The following MYOM1 variants were observed in gnomAD, a reference collection of about 807,000 sequenced individuals.
The protein encoded by MYOM1 is myomesin-1.
Under a neutral mutation model 205.3 loss-of-function variants are expected in MYOM1, and 164 were observed. That is an observed-to-expected ratio of 0.80 (90% CI 0.70 to 0.91). The LOEUF (loss-of-function observed/expected upper bound fraction) is 0.91. Ranked by LOEUF, MYOM1 falls within the 40% of genes least tolerant of loss-of-function variation. The pLI is 0.00. For synonymous variants in MYOM1, 772 were observed against 789.4 expected, an observed-to-expected ratio of 0.98 and a Z score of 0.37; for missense variants, 2,011 against 2,127.3, an observed-to-expected ratio of 0.95 and a Z score of 1.08.
At chr18:3,198,075 A>G (rs556548855) in intron 2 of MYOM1, among the ~76,000 whole-genome samples, 1 of 89,058 alleles carries the variant, frequency 1.1e-5, no homozygotes, top group East Asian at 3.2e-4. Context: ...ATAAAGCACA[A>G]AAAAAAACTC....
In MYOM1 at chr18:3,154,993, G is replaced by C; in HGVS notation, c.1597C>G (p.Pro533Ala). The C allele has an allele frequency of 1.9e-6, 3 of 1,613,104 alleles. No individual in the cohort carries two copies. The highest frequency in any genetic ancestry group is 2.5e-6 in the Non-Finnish European group (3 of 1,179,490). Reference protein sequence around the residue: ...KDYIIISWKQPAVDGGSPILG... With the variant: ...KDYIIISWKQAAVDGGSPILG... ...ATAGGACTCCCTCCATCGACAGCTGGCTGTTTCCAGGAGATGATGATATAA... is the reference window on the plus strand; with the variant it reads ...ATAGGACTCCCTCCATCGACAGCTGCCTGTTTCCAGGAGATGATGATATAA... The change falls in exon 11 of 38, where the codon CCA becomes GCA. Residue 533 changes from proline (P) to alanine (A), a missense_variant. Physicochemically the swap from Pro to Ala is conservative, Grantham distance 27. Transcript: ENST00000356443.
At chr18:3,119,780 C>T in intron 20 of MYOM1, 89 bp downstream of exon 20, 1 of 1,454,726 alleles carries the variant, frequency 6.9e-7, no homozygotes, top group South Asian at 1.5e-5. Flanking sequence ...AAATATTGAC[C>T]ATATAGTACT....
chr18:3,243,784 T>G, the MYOM1 span, among the ~76,000 whole-genome samples: 1 of 152,156 alleles, frequency 6.6e-6, no homozygotes, highest in South Asian at 2.1e-4. Flanking sequence ...GAAACGGAGG[T>G]AATAATGTCT....
the MYOM1 span, among the ~76,000 whole-genome samples, chr18:3,234,245 C>T: frequency 6.6e-6 from 1 of 152,300 alleles, no homozygotes; most frequent in South Asian, 2.1e-4. Flanking sequence ...AAAACTTCTA[C>T]TTAGCTAATG....
At chr18:3,087,006 T>G (rs1435326496) in intron 29 of MYOM1, among the ~76,000 whole-genome samples, 3 of 152,200 alleles carry the variant, frequency 2.0e-5, no homozygotes, top group Non-Finnish European at 4.4e-5. Flanking sequence ...CAATTTCAGC[T>G]AATAAATAAA....
rs10625884 is a variant in MYOM1, at chr18:3,154,616, T to TACACAC, written c.1643+325_1643+330dup. On this transcript the variant is annotated intron_variant, in intron 11 of 37. Transcript: ENST00000356443. Reference sequence around the variant, plus strand: ...TCAGCGTTTCTAAGTACCTACTCAATACACACACACACACACACACACACA... The same window carrying TACACAC: ...TCAGCGTTTCTAAGTACCTACTCAATACACACACACACACACACACACACACACACA... Among the ~76,000 whole-genome samples, 358 of 145,948 alleles carry TACACAC rather than the reference T, an allele frequency of 2.5e-3. 1 individual carries two copies. The highest frequency in any genetic ancestry group is 8.0e-3 in the African/African-American group (318 of 39,584).
At chr18:3,236,995 T>G in the MYOM1 span, among the ~76,000 whole-genome samples, 10 of 152,148 alleles carry the variant, frequency 6.6e-5, no homozygotes, top group East Asian at 1.9e-3. Flanking sequence ...TTTCTAATAC[T>G]ATTTGAGAAC....
chr18:3,084,908 T>C, intron 31 of MYOM1, 137 bp downstream of exon 31: 2 of 625,516 alleles, frequency 3.2e-6, no homozygotes, highest in South Asian at 4.5e-5. Context: ...GTTCACTCTG[T>C]TGGAATTTCA....
At chr18:3,176,809 G>A (rs2080647202) in intron 5 of MYOM1, among the ~76,000 whole-genome samples, 1 of 152,132 alleles carries the variant, frequency 6.6e-6, no homozygotes, top group Non-Finnish European at 1.5e-5. Flanking sequence ...TTGAACCCAG[G>A]AGGCGGAGGT....
chr18:3,148,844 C>CAAA lies in MYOM1; in HGVS notation c.1900+298_1900+300dup, dbSNP rs71159049. Reference sequence around the variant, plus strand: ...CTGGGCGACAGAGCGAGACTCCATCCAAAAAAAAAAAAAAAAAAAAAAAAA... The same window carrying CAAA: ...CTGGGCGACAGAGCGAGACTCCATCCAAAAAAAAAAAAAAAAAAAAAAAAAAAA... On this transcript the variant is annotated intron_variant, in intron 13 of 37. Transcript: ENST00000356443. 2.3e-3 allele frequency among the ~76,000 whole-genome samples: 109 copies of CAAA among 47,956 alleles called. 2 individuals are homozygous for CAAA. The highest frequency in any genetic ancestry group is 6.9e-3 in the African/African-American group (96 of 13,976). 31.5% of individuals were successfully genotyped at this position (47,956 alleles called of 152,430 possible).
chr18:3,176,841 C>G (rs2080648054), intron 5 of MYOM1, among the ~76,000 whole-genome samples: 1 of 151,918 alleles, frequency 6.6e-6, no homozygotes, highest in East Asian at 1.9e-4. Context: ...GAGATTGTGC[C>G]ACTGCACTCC....
intron 18 of MYOM1, among the ~76,000 whole-genome samples, chr18:3,128,672 G>T (rs907598597): frequency 1.3e-5 from 2 of 151,642 alleles, no homozygotes; most frequent in Non-Finnish European, 2.9e-5. Flanking sequence ...TATTATTTTA[G>T]AAATTTTTAA....
At chr18:3,116,748 G>A (rs940950095) in intron 20 of MYOM1, among the ~76,000 whole-genome samples, 4 of 152,164 alleles carry the variant, frequency 2.6e-5, no homozygotes, top group South Asian at 2.1e-4. Context: ...CCACTCTGAG[G>A]TGCCTCTCAA....
intron 6 of MYOM1, among the ~76,000 whole-genome samples, chr18:3,175,675 T>G (rs895231709): frequency 7.2e-5 from 11 of 152,208 alleles, no homozygotes; most frequent in Non-Finnish European, 1.3e-4. Flanking sequence ...GATGATGATA[T>G]TGATTTGGGA....
chr18:3,140,273 G>C (rs372812436), intron 14 of MYOM1, among the ~76,000 whole-genome samples: 7 of 152,052 alleles, frequency 4.6e-5, no homozygotes, highest in African/African-American at 1.7e-4. Flanking sequence ...CAGGCGTGGT[G>C]GCTCACGCCT....
chr18:3,182,737 CAG>C (rs1484975315), intron 5 of MYOM1, among the ~76,000 whole-genome samples: 1 of 151,966 alleles, frequency 6.6e-6, no homozygotes, highest in Non-Finnish European at 1.5e-5. Flanking sequence ...CCCCTTTAAA[CAG>C]AAAGACTCTT....
At chr18:3,178,918 AGTGCAATG>A (rs1047215861) in intron 5 of MYOM1, among the ~76,000 whole-genome samples, 6 of 151,058 alleles carry the variant, frequency 4.0e-5, no homozygotes, top group African/African-American at 1.5e-4. Flanking sequence ...CCCATGCTGG[AGTGCAATG>A]GTGTGATTAT....
Position 3,070,342 on chromosome 18 carries a change from G to A in MYOM1, c.4764+1492C>T, listed in dbSNP as rs575546304. ...TTTTAAAAATTGTTTTTGTAGAGTC[G>A]GGGTCTCATTATGTTGCCCAGGCTA... is the stretch of plus-strand genomic sequence containing the variant. On this transcript the variant is annotated intron_variant, in intron 37 of 37. Coordinates refer to ENST00000356443, the MANE Select transcript of MYOM1 (RefSeq NM_003803.4). Among the ~76,000 whole-genome samples the A allele has an allele frequency of 2.6e-5, 4 of 152,108 alleles. No individual in the cohort carries two copies. In the South Asian group the frequency reaches 6.2e-4, roughly 24 times the overall value.
chr18:3,158,313 C>G (rs10468734), intron 10 of MYOM1, among the ~76,000 whole-genome samples: 2 of 152,208 alleles, frequency 1.3e-5, no homozygotes, highest in South Asian at 2.1e-4. Context: ...GGTATGTCAT[C>G]GTTTCATGGA....
Sources: allele counts gnomAD v4.1 joint callset (sites outside exome capture counted in the v4.1 genomes callset), GRCh38; gene constraint gnomAD v4.1.1; transcripts MANE v1.5; gene names NCBI Gene and HGNC (gene_info 2026-07-23, HGNC 2026-07-21).